Variants in COL21A1 observed in about 807,000 individuals in gnomAD.
COL21A1 encodes collagen alpha-1(XXI) chain.
A neutral mutation model predicts 137.9 loss-of-function variants in COL21A1; 149 were observed. The ratio of observed to expected loss-of-function variants is 1.08; its 90% confidence interval spans 0.95 to 1.24. The LOEUF is 1.24. Ranked by LOEUF, COL21A1 falls within the 50% of genes most tolerant of loss-of-function variation. COL21A1 has a pLI of 0.00. For missense variants in COL21A1, 1,167 were observed against 1,158.4 expected (o/e 1.01, Z -0.11); for synonymous variants, 456 against 391.5 (o/e 1.16, Z -1.95).
chr6:56,122,982 A>G (rs766131900), intron 16 of COL21A1, among the ~76,000 whole-genome samples: 10 of 152,208 alleles, frequency 6.6e-5, no homozygotes, highest in Non-Finnish European at 1.2e-4. Flanking sequence ...CCTGCCTCCC[A>G]AAAAGAATAG....
intron 1 of COL21A1, among the ~76,000 whole-genome samples, chr6:56,345,213 G>A (rs1212060244): frequency 1.3e-5 from 2 of 152,062 alleles, no homozygotes; most frequent in Non-Finnish European, 2.9e-5. Context: ...GGGAACAATA[G>A]GAAACATTTG....
At chr6:56,196,626 G>C (rs1779040662) in intron 1 of COL21A1, among the ~76,000 whole-genome samples, 1 of 151,868 alleles carries the variant, frequency 6.6e-6, no homozygotes, top group Non-Finnish European at 1.5e-5. Context: ...GCATCAAAAG[G>C]AATAAAATAC....
chr6:56,272,255 G>A (rs961973762), intron 1 of COL21A1, among the ~76,000 whole-genome samples: 6 of 152,240 alleles, frequency 3.9e-5, no homozygotes, highest in Admixed American at 1.3e-4. Flanking sequence ...GCATTCCCTG[G>A]ATGTGAGACC....
At chr6:56,284,176 T>C (rs1253350042) in intron 1 of COL21A1, among the ~76,000 whole-genome samples, 2 of 152,052 alleles carry the variant, frequency 1.3e-5, no homozygotes, top group Non-Finnish European at 2.9e-5. Context: ...GCCTTCCAAG[T>C]AGCTGGGACT....
intron 24 of COL21A1, among the ~76,000 whole-genome samples, chr6:56,064,269 T>C (rs1213717780): frequency 6.6e-6 from 1 of 152,090 alleles, no homozygotes; most frequent in Non-Finnish European, 1.5e-5. Context: ...TGTGACTGGC[T>C]GTCTCTGGCC....
intron 1 of COL21A1, among the ~76,000 whole-genome samples, chr6:56,346,427 T>C (rs911626837): frequency 6.6e-6 from 1 of 152,224 alleles, no homozygotes; most frequent in Non-Finnish European, 1.5e-5. Flanking sequence ...AAGCAGTCTC[T>C]TTTTTACTAC....
intron 1 of COL21A1, among the ~76,000 whole-genome samples, chr6:56,214,957 A>C (rs898957025): frequency 2.0e-5 from 3 of 152,070 alleles, no homozygotes; most frequent in Non-Finnish European, 4.4e-5. Flanking sequence ...TGAACAGTCA[A>C]CTTTAAATTA....
chr6:56,229,326 C>T (rs1161833935), intron 1 of COL21A1, among the ~76,000 whole-genome samples: 2 of 151,978 alleles, frequency 1.3e-5, no homozygotes, highest in African/African-American at 4.8e-5. Flanking sequence ...TTGAATTGCA[C>T]TGCTGCACTT....
intron 1 of COL21A1, among the ~76,000 whole-genome samples, chr6:56,292,393 C>CT (rs1346563771): frequency 8.0e-6 from 1 of 125,426 alleles, no homozygotes; most frequent in Non-Finnish European, 1.7e-5. Context: ...AAACAGGGAC[C>CT]CCCCCCCTCC....
intron 1 of COL21A1, among the ~76,000 whole-genome samples, chr6:56,336,139 C>T (rs1488718864): frequency 6.6e-6 from 1 of 152,182 alleles, no homozygotes; most frequent in East Asian, 1.9e-4. Context: ...GTACATCAGC[C>T]TCAGCTGGGG....
chr6:56,064,611 T>A lies in COL21A1; in HGVS notation c.2139A>T (p.Gly713=). The part of the protein sequence containing the change: ...QGEKGIQGQK[G]ENGRQGIPGQ... ...CTGGAATTCCCTGTCTTCCATTTTC[T>A]CCCTTTTGACCCTTTAAAATAAAAA... Residue 713 remains glycine (G), a synonymous_variant, in exon 24 of 30, where the codon GGA becomes GGT. Coordinates refer to ENST00000244728, the MANE Select transcript of COL21A1 (RefSeq NM_030820.4). 6.3e-7 allele frequency: 1 copy of A among 1,592,136 alleles called. No individual in the cohort carries two copies. Among genetic ancestry groups the A allele is most frequent in the South Asian group, 1.1e-5 (1 of 87,836 alleles).
At chr6:56,086,043 T>C (rs1012533319) in intron 17 of COL21A1, among the ~76,000 whole-genome samples, 1 of 151,178 alleles carries the variant, frequency 6.6e-6, no homozygotes, top group Admixed American at 6.6e-5. Context: ...ATCTGTATTA[T>C]AGGTATTAAG....
chr6:56,175,879 T>A (rs1012596120), intron 3 of COL21A1, among the ~76,000 whole-genome samples: 1 of 152,042 alleles, frequency 6.6e-6, no homozygotes, highest in Non-Finnish European at 1.5e-5. Flanking sequence ...GATTTCAAAA[T>A]ATATTGCAAA....
At chr6:56,059,882 A>C in intron 28 of COL21A1, 136 bp downstream of exon 28, 1 of 590,972 alleles carries the variant, frequency 1.7e-6, no homozygotes, top group East Asian at 3.4e-5. Flanking sequence ...TTCAGTTGGC[A>C]AATTATTTAA....
rs573783210 is a variant in COL21A1, at chr6:56,101,409, A to C, written c.1812+63T>G. ...ATCTGAGAGAAGAATTTAAATAACC[A>C]AAAAGGATTTCGTAACAGGAAAAGA... On this transcript the variant is annotated intron_variant, in intron 17 of 29. Coordinates refer to ENST00000244728, the MANE Select transcript of COL21A1 (RefSeq NM_030820.4). 1.5e-4 allele frequency: 194 copies of C among 1,282,988 alleles called. 4 individuals are homozygous for C. The South Asian group carries it at 2.3e-3, about 16-fold the overall frequency. 79.5% of individuals were successfully genotyped at this position (1,282,988 alleles called of 1,614,324 possible).
intron 12 of COL21A1, among the ~76,000 whole-genome samples, chr6:56,133,131 G>T (rs964583447): frequency 3.3e-5 from 5 of 152,168 alleles, no homozygotes; most frequent in African/African-American, 9.7e-5. Context: ...AGTTTGGAGG[G>T]CTCAGAAGAA....
chr6:56,265,893 T>C (rs2152331543), intron 1 of COL21A1, among the ~76,000 whole-genome samples: 1 of 151,252 alleles, frequency 6.6e-6, no homozygotes, highest in South Asian at 2.1e-4. Context: ...TAGAAGAAAA[T>C]TACATTCCAT....
In COL21A1 at chr6:56,141,851, G is replaced by C. The variant is rs1444056980; in HGVS notation, c.1489-13C>G. 2 of 1,612,868 alleles carry C rather than the reference G, an allele frequency of 1.2e-6. No homozygotes were observed. The highest frequency in any genetic ancestry group is 2.2e-5 in the East Asian group (1 of 44,856). ...GTCCTCGAGCTCCCTAAATTAACCA[G>C]AAAATAAAATTTTGTTAATTATCGG... On this transcript the variant is annotated splice_polypyrimidine_tract_variant and intron_variant, in intron 11 of 29. Coordinates refer to ENST00000244728, the MANE Select transcript of COL21A1 (RefSeq NM_030820.4).
At chr6:56,163,869 C>T (rs902815103) in intron 9 of COL21A1, among the ~76,000 whole-genome samples, 10 of 151,948 alleles carry the variant, frequency 6.6e-5, no homozygotes, top group Admixed American at 5.2e-4. Flanking sequence ...GTAAATGTAA[C>T]TGGAACAAGC....
Sources: gnomAD v4.1 joint callset for allele counts (sites outside exome capture counted in the v4.1 genomes callset) on GRCh38, gnomAD v4.1.1 for gene constraint, MANE v1.5 for transcripts, NCBI Gene and HGNC (gene_info 2026-07-23, HGNC 2026-07-21) for gene names.